KIR2DL3: variants seen among roughly 807,000 people sequenced by gnomAD.
KIR2DL3 encodes the protein killer cell immunoglobulin-like receptor 2DL3.
In KIR2DL3, 39 loss-of-function variants were observed where a neutral mutation model predicts 33.8. The observed-to-expected ratio is 1.15, with a 90% confidence interval of 0.89 to 1.51. The LOEUF is 1.51. Among genes scored for constraint, KIR2DL3 ranks in the 40% most tolerant of loss-of-function variants. The pLI is 0.00. For missense variants in KIR2DL3, 462 were observed against 426.2 expected (o/e 1.08, Z -0.74); for synonymous variants, 174 against 160.2 (o/e 1.09, Z -0.65).
Position 54,749,326 on chromosome 19 carries a change from A to T in KIR2DL3, c.715+1941A>T, listed in dbSNP as rs1405724222. Among the ~76,000 whole-genome samples, 6 of 146,852 alleles carry T rather than the reference A, an allele frequency of 4.1e-5. No homozygotes were observed. In the South Asian group the frequency reaches 1.3e-3, roughly 32 times the overall value. ...GAAAATAAGGGAGGCTCAGTTGCAT[A>T]ACTGGAATCTAGGAGACCGTGGAAA... On this transcript the variant is annotated intron_variant, in intron 5 of 7. Coordinates refer to ENST00000342376, the MANE Select transcript of KIR2DL3 (RefSeq NM_015868.3).
At chr19:54,750,690 G>A (rs1349278348) in intron 5 of KIR2DL3, among the ~76,000 whole-genome samples, 4 of 137,652 alleles carry the variant, frequency 2.9e-5, no homozygotes, top group Admixed American at 1.5e-4. Flanking sequence ...ATCACTCACC[G>A]TCACTCCAGG....
chr19:54,744,935 T>C (rs914428169), intron 4 of KIR2DL3, among the ~76,000 whole-genome samples: 7 of 20,990 alleles, frequency 3.3e-4, no homozygotes, highest in African/African-American at 1.2e-3. Context: ...TATATATATA[T>C]ATATATATAT....
intron 4 of KIR2DL3, among the ~76,000 whole-genome samples, chr19:54,744,919 A>T (rs11880149): frequency 0.26 from 8,880 of 34,710 alleles, 527 homozygotes; most frequent in African/African-American, 0.36. Context: ...CACATATATA[A>T]ACATATATAT....
chr19:54,752,568 A>C lies in KIR2DL3; in HGVS notation c.*49A>C. The C allele has an allele frequency of 6.9e-7, 1 of 1,457,166 alleles. No individual in the cohort carries two copies. Among genetic ancestry groups the C allele is most frequent in the Non-Finnish European group, 9.3e-7 (1 of 1,071,214 alleles). The allele number at this position is 1,457,166 out of a possible 1,614,324, so 90.3% of individuals were successfully genotyped here. On this transcript the variant is annotated 3_prime_UTR_variant, in exon 8 of 8. Transcript: ENST00000342376. ...AGCACCACAGTCAGGCCTTGAGGGG[A>C]TCTTCTAGGGAGACAACAGCCCTGT... is the stretch of plus-strand genomic sequence containing the variant.
chr19:54,744,969 T>A (rs933326097), intron 4 of KIR2DL3, among the ~76,000 whole-genome samples: 9 of 96,404 alleles, frequency 9.3e-5, no homozygotes, highest in African/African-American at 3.4e-4. Flanking sequence ...TTTTTTTTTT[T>A]TTTTTTTTAC....
In KIR2DL3 at chr19:54,741,907, C is replaced by T; in HGVS notation, c.71-73C>T. ...GAGACAGACACCAGCAAGGGGAAGC[C>T]TCACTCATTCTAGGTGCCATGGATG... On this transcript the variant is annotated intron_variant, in intron 2 of 7. Transcript: ENST00000342376. The T allele has an allele frequency of 4.4e-6, 6 of 1,366,626 alleles. No individual in the cohort carries two copies. The South Asian group carries it at 7.5e-5, about 17-fold the overall frequency. 84.7% of individuals were successfully genotyped at this position (1,366,626 alleles called of 1,614,324 possible). A position where few individuals can be genotyped will look rare whatever the true frequency, so the allele number is the denominator to read the frequency against.
rs370059167 is a variant in KIR2DL3, at chr19:54,746,111, C to G, written c.665-1224C>G. Among the ~76,000 whole-genome samples, 4 of 134,560 alleles carry G rather than the reference C, an allele frequency of 3.0e-5. 1 individual carries two copies. In the East Asian group the frequency reaches 7.9e-4, roughly 27 times the overall value. The allele number at this position is 134,560 out of a possible 152,430, so 88.3% of individuals were successfully genotyped here. A position where few individuals can be genotyped will look rare whatever the true frequency, so the allele number is the denominator to read the frequency against. On this transcript the variant is annotated intron_variant, in intron 4 of 7. Coordinates refer to ENST00000342376, the MANE Select transcript of KIR2DL3 (RefSeq NM_015868.3). Reference sequence around the variant, plus strand: ...GACAGACGTGAGCCACCACGCCCGGCCTAAAATCCATTTTAATGGGGTGAG... The same window carrying G: ...GACAGACGTGAGCCACCACGCCCGGGCTAAAATCCATTTTAATGGGGTGAG...
At position 54,743,884 on chromosome 19, in the gene KIR2DL3, T is replaced by G. The variant is rs1359772747; in HGVS notation, c.460T>G (p.Ser154Ala). The G allele has an allele frequency of 5.6e-6, 9 of 1,613,800 alleles. No individual in the cohort carries two copies. Among genetic ancestry groups the G allele is most frequent in the Non-Finnish European group, 7.6e-6 (9 of 1,179,952 alleles). Residue 154 changes from serine to alanine, a missense_variant, in exon 4 of 8, where the codon TCC (serine) becomes GCC (alanine). Transcript: ENST00000342376. ...GACCTTGTCCTGCAGCTCCCGGAGC[T>G]CCTATGACATGTACCATCTATCCAG... ...SVTLSCSSRS[S>A]YDMYHLSREG...
intron 2 of KIR2DL3, 22 bp downstream of exon 2, chr19:54,739,564 C>T (rs370342415): frequency 8.9e-6 from 14 of 1,566,948 alleles, no homozygotes; most frequent in South Asian, 2.3e-5. Context: ...TCCAAACCTT[C>T]GGGTGTCATC....
At chr19:54,746,012 C>T (rs1350598443) in intron 4 of KIR2DL3, among the ~76,000 whole-genome samples, 11 of 125,020 alleles carry the variant, frequency 8.8e-5, no homozygotes, top group South Asian at 3.0e-4. Context: ...AGTGTTTCTT[C>T]ATGTGGGTCA....
Position 54,739,556 on chromosome 19 carries a change from C to T in KIR2DL3, c.70+14C>T. ...GGCCACATGAGGGTGAGTCCTTCTC[C>T]AAACCTTCGGGTGTCATCTCCCCAC... On this transcript the variant is annotated intron_variant, in intron 2 of 7. Coordinates refer to ENST00000342376, the MANE Select transcript of KIR2DL3 (RefSeq NM_015868.3). The T allele has an allele frequency of 1.2e-6, 2 of 1,614,038 alleles. No individual in the cohort carries two copies. Among genetic ancestry groups the T allele is most frequent in the Non-Finnish European group, 1.7e-6 (2 of 1,179,930 alleles).
chr19:54,751,884 T>G, intron 6 of KIR2DL3, 131 bp downstream of exon 6: 3 of 821,792 alleles, frequency 3.7e-6, no homozygotes, highest in Non-Finnish European at 5.6e-6. Context: ...GGGAGGACTT[T>G]CTAGAGAGAG....
At chr19:54,741,905 G>A in intron 2 of KIR2DL3, 75 bp from the exon 3 acceptor site, 2 of 1,357,040 alleles carry the variant, frequency 1.5e-6, no homozygotes, top group Non-Finnish European at 2.1e-6. Context: ...GCAAGGGGAA[G>A]CCTCACTCAT....
chr19:54,741,400 G>A (rs1288722592), intron 2 of KIR2DL3, among the ~76,000 whole-genome samples: 2 of 152,092 alleles, frequency 1.3e-5, no homozygotes, highest in East Asian at 1.9e-4. Flanking sequence ...CCTGAGATCA[G>A]CAAGGGTGGG....
intron 2 of KIR2DL3, among the ~76,000 whole-genome samples, chr19:54,740,080 A>C (rs1600302215): frequency 6.6e-6 from 1 of 152,164 alleles, no homozygotes; most frequent in Non-Finnish European, 1.5e-5. Context: ...ACTTGCTCAA[A>C]GTTCTCAGCT....
chr19:54,743,797 C>T lies in KIR2DL3; in HGVS notation c.373C>T (p.Leu125=). ...SDPLDIVITG[L]YEKPSLSAQP... is the part of the protein sequence containing the mutation. ...GGAAAATGCCTCTTCTCCTCCAGGT[C>T]TATATGAGAAACCTTCTCTCTCAGC... Residue 125 remains leucine, a splice_region_variant and synonymous_variant, in exon 4 of 8, where the codon CTA becomes TTA. Transcript: ENST00000342376. The T allele has an allele frequency of 6.3e-7, 1 of 1,597,232 alleles. No homozygotes were observed. Among genetic ancestry groups the T allele is most frequent in the Non-Finnish European group, 8.5e-7 (1 of 1,171,888 alleles).
intron 1 of KIR2DL3, among the ~76,000 whole-genome samples, chr19:54,739,129 G>C (rs1182207819): frequency 6.7e-6 from 1 of 150,212 alleles, no homozygotes; most frequent in Non-Finnish European, 1.5e-5. Context: ...TGGGTGTGGA[G>C]ATATGGGACT....
At position 54,742,233 on chromosome 19, in the gene KIR2DL3, C is replaced by G. The variant is rs1216356324; in HGVS notation, c.324C>G (p.Pro108=). ...GCTACGGTTCTGTTACTCACTCCCC[C>G]TATCAGTTGTCAGCTCCCAGTGACC... ...YRCYGSVTHS[P]YQLSAPSDPL... is the part of the protein sequence containing the mutation. The change falls in exon 3 of 8, where the codon CCC becomes CCG. Residue 108 remains proline, a synonymous_variant. Coordinates refer to ENST00000342376, the MANE Select transcript of KIR2DL3 (RefSeq NM_015868.3). The G allele has an allele frequency of 3.1e-5, 50 of 1,614,058 alleles. No homozygotes were observed. Among genetic ancestry groups the G allele is most frequent in the Middle Eastern group, 3.3e-4 (2 of 6,084 alleles).
rs530923667 is a variant in KIR2DL3 at position 54,747,467 on chromosome 19, C to T, written c.715+82C>T. 596 of 1,509,174 alleles carry T rather than the reference C, an allele frequency of 3.9e-4. 1 individual carries two copies. The African/African-American group carries it at 7.3e-3, about 18-fold the overall frequency. The allele number at this position is 1,509,174 out of a possible 1,614,324, so 93.5% of individuals were successfully genotyped here. A position where few individuals can be genotyped will look rare whatever the true frequency, so the allele number is the denominator to read the frequency against. ...CGATGCAGGCATTGACTCAGCATCT[C>T]GCAGCTCTGACATTGTACGCCTGTC... On this transcript the variant is annotated intron_variant, in intron 5 of 7. Coordinates refer to ENST00000342376, the MANE Select transcript of KIR2DL3 (RefSeq NM_015868.3).
Sources: gnomAD v4.1 joint callset for allele counts (sites outside exome capture counted in the v4.1 genomes callset) on GRCh38, gnomAD v4.1.1 for gene constraint, MANE v1.5 for transcripts, NCBI Gene and HGNC (gene_info 2026-07-23, HGNC 2026-07-21) for gene names.